The following SMIM19 variants were observed in gnomAD, a reference collection of about 807,000 sequenced individuals.
SMIM19 encodes UPF0697 protein C8orf40.
In SMIM19, 6 loss-of-function variants were observed where a neutral mutation model predicts 13.2. The ratio of observed to expected loss-of-function variants is 0.45; its 90% CI spans 0.25 to 0.90. The LOEUF (loss-of-function observed/expected upper bound fraction) is 0.90. Ranked by LOEUF, SMIM19 falls within the 40% of genes least tolerant of loss-of-function variation. The pLI, the probability that SMIM19 is intolerant of heterozygous loss-of-function variation, is 0.19. For synonymous variants in SMIM19, 46 were observed against 43.1 expected, an observed-to-expected ratio of 1.07 and a Z score of -0.27; for missense variants, 138 against 131.0, an observed-to-expected ratio of 1.05 and a Z score of -0.26.
chr8:42,545,031 A>T (rs1191485303), intron 1 of SMIM19, among the ~76,000 whole-genome samples: 1 of 152,238 alleles, frequency 6.6e-6, no homozygotes, highest in Non-Finnish European at 1.5e-5. Flanking sequence ...GGTATTAGAA[A>T]ATGACTGATT....
chr8:42,550,664 T>C (rs1416563695), intron 3 of SMIM19, among the ~76,000 whole-genome samples: 2 of 152,164 alleles, frequency 1.3e-5, no homozygotes, highest in African/African-American at 2.4e-5. Flanking sequence ...GGGCAGATAA[T>C]CCAGAGTCAT....
chr8:42,542,595 G>A, intron 1 of SMIM19: 1 of 418,620 alleles, frequency 2.4e-6, no homozygotes, highest in Non-Finnish European at 3.2e-6. Flanking sequence ...GAATCACCTA[G>A]ACGTGACATC....
At chr8:42,544,227 C>T (rs1335116360) in intron 1 of SMIM19, among the ~76,000 whole-genome samples, 2 of 150,706 alleles carry the variant, frequency 1.3e-5, no homozygotes, top group East Asian at 1.9e-4. Flanking sequence ...CTGGCTTACA[C>T]GGTGAAACCC....
At chr8:42,545,505 T>C (rs1488523351) in intron 1 of SMIM19, among the ~76,000 whole-genome samples, 1 of 152,140 alleles carries the variant, frequency 6.6e-6, no homozygotes, top group Non-Finnish European at 1.5e-5. Context: ...AACACTTTTG[T>C]AGCAGCACAG....
intron 1 of SMIM19, among the ~76,000 whole-genome samples, chr8:42,542,906 G>T (rs893663379): frequency 1.3e-5 from 2 of 151,564 alleles, no homozygotes; most frequent in Non-Finnish European, 2.9e-5. Flanking sequence ...CTCGATTCTG[G>T]GACGTCGAGG....
chr8:42,551,399 C>T, intron 3 of SMIM19, among the ~76,000 whole-genome samples: 1 of 151,576 alleles, frequency 6.6e-6, no homozygotes, highest in Admixed American at 6.6e-5. Context: ...TGTATTTTCT[C>T]TAGTTTCAAG....
At chr8:42,549,195 C>G (rs1813587215) in intron 3 of SMIM19, among the ~76,000 whole-genome samples, 1 of 152,100 alleles carries the variant, frequency 6.6e-6, no homozygotes, top group Admixed American at 6.6e-5. Context: ...GGGTGGATCA[C>G]AAGGTCAGGA....
At chr8:42,547,572 T>C (rs1813532140) in intron 2 of SMIM19, among the ~76,000 whole-genome samples, 2 of 152,216 alleles carry the variant, frequency 1.3e-5, no homozygotes, top group Admixed American at 1.3e-4. Flanking sequence ...ATTCAGCAGA[T>C]CTCCCTTTAG....
chr8:42,544,068 A>G (rs1438490627), intron 1 of SMIM19, among the ~76,000 whole-genome samples: 1 of 152,206 alleles, frequency 6.6e-6, no homozygotes, highest in African/African-American at 2.4e-5. Flanking sequence ...AGTTACATTC[A>G]GAGGAACTCT....
chr8:42,548,581 G>A (rs1189598119), intron 2 of SMIM19, 75 bp from the exon 3 acceptor site: 1 of 1,580,048 alleles, frequency 6.3e-7, no homozygotes, highest in Non-Finnish European at 8.7e-7. Flanking sequence ...AGCTTCTGAT[G>A]ACCAGGATCA....
At chr8:42,542,795 A>C (rs1017377457) in intron 1 of SMIM19, among the ~76,000 whole-genome samples, 2 of 147,792 alleles carry the variant, frequency 1.4e-5, no homozygotes, top group Admixed American at 6.7e-5. Context: ...GACGACCCCC[A>C]CCCCACCCCC....
In SMIM19 at chr8:42,554,424, A is replaced by G. The variant is rs772275073; in HGVS notation, c.*1816A>G. On this transcript the variant is annotated 3_prime_UTR_variant, in exon 4 of 4. Coordinates refer to ENST00000417410, the MANE Select transcript of SMIM19 (RefSeq NM_001135674.2). ...AAATTACACAAACTGGCTATCTCAG[A>G]TGTGTAAAATTAATGTACATAAATA... is the stretch of plus-strand genomic sequence containing the variant. The G allele has an allele frequency of 2.6e-5, 4 of 152,228 alleles. No homozygotes were observed. The highest frequency in any genetic ancestry group is 7.2e-5 in the African/African-American group (3 of 41,462). The allele number at this position is 152,228 out of a possible 1,614,324, so 9.4% of individuals were successfully genotyped here. A position where few individuals can be genotyped will look rare whatever the true frequency, so the allele number is the denominator to read the frequency against.
Position 42,548,744 on chromosome 8 carries a change from A to G in SMIM19, c.223A>G (p.Ile75Val), listed in dbSNP as rs1204408412. 6.2e-7 allele frequency: 1 copy of G among 1,613,982 alleles called. No individual in the cohort carries two copies. Among genetic ancestry groups the G allele is most frequent in the South Asian group, 1.1e-5 (1 of 91,060 alleles). Reference protein sequence around the residue: ...EPNFYDTISKIRLRQQLEMYS... With the variant: ...EPNFYDTISKVRLRQQLEMYS... ...CAACTTTTATGACACGATAAGCAAG[A>G]TTCGTTTAAGACAACAACTGGAAAT... Residue 75 changes from isoleucine to valine, a missense_variant, in exon 3 of 4, where the codon ATT becomes GTT. Transcript: ENST00000417410.
intron 3 of SMIM19, among the ~76,000 whole-genome samples, chr8:42,551,173 C>T (rs2131498469): frequency 6.6e-6 from 1 of 152,052 alleles, no homozygotes; most frequent in Admixed American, 6.6e-5. Context: ...AAAAAATTAG[C>T]AGGGCATGAT....
chr8:42,555,094 G>A lies in SMIM19; in HGVS notation c.*2486G>A, dbSNP rs1433043302. The A allele has an allele frequency of 6.6e-6, 1 of 152,284 alleles. No individual in the cohort carries two copies. The highest frequency in any genetic ancestry group is 6.5e-5 in the Admixed American group (1 of 15,286). 9.4% of individuals were successfully genotyped at this position (152,284 alleles called of 1,614,324 possible). On this transcript the variant is annotated 3_prime_UTR_variant, in exon 4 of 4. Transcript: ENST00000417410. ...GTACAATCAGAAGTATTTTAAGTAT[G>A]CATTAGAAGTAAGATAAAATAGTAA...
chr8:42,544,094 G>A (rs1813389690), intron 1 of SMIM19, among the ~76,000 whole-genome samples: 1 of 152,180 alleles, frequency 6.6e-6, no homozygotes, highest in African/African-American at 2.4e-5. Context: ...TTAGTTTTGA[G>A]GAATAAGAAT....
At chr8:42,548,388 T>G (rs1350831767) in intron 2 of SMIM19, 1 of 514,624 alleles carries the variant, frequency 1.9e-6, no homozygotes, top group East Asian at 5.0e-5. Flanking sequence ...ATTTGGCTTT[T>G]GGAGGATTGA....
rs35948113 is a variant in SMIM19, at chr8:42,547,356, C to CAA, written c.134+761_134+762dup. ...TGGGCGACAAAGTGAGACTCCATCT[C>CAA]AAAAAAAAAAAAGAAAACCCCATCG... On this transcript the variant is annotated intron_variant, in intron 2 of 3. Transcript: ENST00000417410. Among the ~76,000 whole-genome samples the CAA allele has an allele frequency of 3.3e-3, 470 of 144,516 alleles. 2 individuals carry two copies. The highest frequency in any genetic ancestry group is 8.6e-3 in the African/African-American group (338 of 39,156). The allele number at this position is 144,516 out of a possible 152,430, so 94.8% of individuals were successfully genotyped here.
At chr8:42,546,374 G>A (rs1402725487) in intron 1 of SMIM19, 95 bp from the exon 2 acceptor site, 1 of 1,400,892 alleles carries the variant, frequency 7.1e-7, no homozygotes, top group Non-Finnish European at 9.4e-7. Context: ...TGGTGGACTG[G>A]ATTTGGCCAG....
Sources: gnomAD v4.1 joint callset for allele counts (sites outside exome capture counted in the v4.1 genomes callset) on GRCh38, gnomAD v4.1.1 for gene constraint, MANE v1.5 for transcripts, NCBI Gene and HGNC (gene_info 2026-07-23, HGNC 2026-07-21) for gene names.